Variants in RABGEF1 observed in about 807,000 individuals in gnomAD.
The protein encoded by RABGEF1 is RAB guanine nucleotide exchange factor 1, also known as rab5 GDP/GTP exchange factor.
In RABGEF1, 26 loss-of-function variants were observed where a neutral mutation model predicts 57.3. That is an observed-to-expected ratio of 0.45 (90% CI 0.33 to 0.63). The LOEUF is 0.63. Among genes scored for constraint, RABGEF1 ranks in the 20% least tolerant of loss-of-function variants. The probability of loss-of-function intolerance (pLI) is 0.02; values close to 1 mark genes in which losing one functional copy is unlikely to be tolerated. For missense variants in RABGEF1, 464 were observed against 607.6 expected, an observed-to-expected ratio of 0.76 and a Z score of 2.48; for synonymous variants, 185 against 210.7, an observed-to-expected ratio of 0.88 and a Z score of 1.06.
intron 4 of RABGEF1, among the ~76,000 whole-genome samples, chr7:66,784,689 G>A (rs1042670716): frequency 6.6e-6 from 1 of 152,208 alleles, no homozygotes; most frequent in Non-Finnish European, 1.5e-5. Flanking sequence ...CAGTGGACTT[G>A]TGTCAAAATA....
At chr7:66,760,196 C>T (rs143847636) in intron 1 of RABGEF1, among the ~76,000 whole-genome samples, 87 of 152,250 alleles carry the variant, frequency 5.7e-4, no homozygotes, top group Non-Finnish European at 9.4e-4. Context: ...TCCTTGCCTT[C>T]GACACTCTTA....
intron 1 of RABGEF1, among the ~76,000 whole-genome samples, chr7:66,690,100 C>CTTTTT (rs892888858): frequency 4.8e-5 from 6 of 124,214 alleles, no homozygotes; most frequent in Admixed American, 8.2e-5. Context: ...ATAAAAAATT[C>CTTTTT]TTTTTTTTTT....
At chr7:66,724,256 A>G (rs2707824) in intron 2 of RABGEF1, among the ~76,000 whole-genome samples, 51,768 of 151,644 alleles carry the variant, frequency 0.34, 9,213 homozygotes, top group Middle Eastern at 0.5. Flanking sequence ...ATAATGTGTT[A>G]TTTCCTTCTC....
chr7:66,756,097 TAAG>T (rs1208406610), intron 1 of RABGEF1: 50 of 1,389,162 alleles, frequency 3.6e-5, no homozygotes, highest in Non-Finnish European at 4.6e-5. Context: ...GAAAGATATA[TAAG>T]AAGAATATCT....
the RABGEF1 span, among the ~76,000 whole-genome samples, chr7:66,670,612 A>C: frequency 1.3e-5 from 2 of 152,080 alleles, no homozygotes; most frequent in African/African-American, 4.8e-5. Context: ...TGGGAGGCCA[A>C]GGCGGGTGGA....
chr7:66,762,125 G>A (rs1002058951), intron 1 of RABGEF1, among the ~76,000 whole-genome samples: 3 of 152,068 alleles, frequency 2.0e-5, no homozygotes, highest in South Asian at 2.1e-4. Context: ...ACCAGCCAGG[G>A]ACTGTGGACG....
intron 1 of RABGEF1, among the ~76,000 whole-genome samples, chr7:66,762,908 C>T (rs1804791171): frequency 2.0e-5 from 3 of 152,184 alleles, no homozygotes; most frequent in Non-Finnish European, 4.4e-5. Context: ...CAGCAAGGGC[C>T]ACAGCATTCC....
the RABGEF1 span, among the ~76,000 whole-genome samples, chr7:66,673,704 G>A: frequency 6.6e-6 from 1 of 151,412 alleles, no homozygotes; most frequent in Non-Finnish European, 1.5e-5. Context: ...TACGGGTGAT[G>A]TATCTGATTA....
Position 66,777,096 on chromosome 7 carries a change from A to G in RABGEF1, c.346+1703A>G, listed in dbSNP as rs369842388. On this transcript the variant is annotated intron_variant, in intron 3 of 8. Coordinates refer to ENST00000284957, the MANE Select transcript of RABGEF1 (RefSeq NM_014504.3). ...ATCTCCAGTAAGTGTTAGCTGTTTT[A>G]AAATGCAAGTTATTCTTCTGATAGA... Among the ~76,000 whole-genome samples the G allele has an allele frequency of 8.5e-5, 13 of 152,364 alleles. No individual in the cohort carries two copies. In the East Asian group the frequency reaches 2.5e-3, roughly 29 times the overall value.
chr7:66,780,759 G>C (rs756681575), intron 3 of RABGEF1, among the ~76,000 whole-genome samples: 32 of 152,230 alleles, frequency 2.1e-4, no homozygotes, highest in African/African-American at 6.7e-4. Context: ...GTGACTTCTC[G>C]AAGAATGAAC....
At chr7:66,780,087 T>G (rs576534859) in intron 3 of RABGEF1, among the ~76,000 whole-genome samples, 1 of 152,312 alleles carries the variant, frequency 6.6e-6, no homozygotes, top group South Asian at 2.1e-4. Flanking sequence ...GAAAAGTATG[T>G]GTGGGAGGGA....
intron 1 of RABGEF1, among the ~76,000 whole-genome samples, chr7:66,707,522 T>C (rs910382382): frequency 2.6e-5 from 4 of 152,096 alleles, no homozygotes; most frequent in African/African-American, 9.7e-5. Flanking sequence ...ACCCTGTCTC[T>C]ACTAAAAATG....
chr7:66,660,374 A>C, the RABGEF1 span, among the ~76,000 whole-genome samples: 6 of 151,850 alleles, frequency 4.0e-5, no homozygotes, highest in Admixed American at 1.3e-4. Flanking sequence ...AAGAAAAAAG[A>C]AAATGAGCAC....
chr7:66,735,407 G>T (rs545698115), intron 2 of RABGEF1, among the ~76,000 whole-genome samples: 18 of 152,370 alleles, frequency 1.2e-4, no homozygotes, highest in Non-Finnish European at 2.9e-5. Flanking sequence ...AACTGGCAGA[G>T]ATCCACATAA....
intron 2 of RABGEF1, among the ~76,000 whole-genome samples, chr7:66,720,461 G>A (rs571942480): frequency 3.9e-4 from 59 of 150,768 alleles, no homozygotes; most frequent in African/African-American, 1.3e-3. Flanking sequence ...GCCTCCTAAA[G>A]TGCTAGGATT....
At chr7:66,782,066 T>A (rs913500697) in intron 3 of RABGEF1, among the ~76,000 whole-genome samples, 11 of 152,230 alleles carry the variant, frequency 7.2e-5, no homozygotes, top group African/African-American at 2.7e-4. Flanking sequence ...AGAAGCAGAA[T>A]TATTAGAGAA....
chr7:66,722,036 A>G (rs1473751330), intron 2 of RABGEF1, among the ~76,000 whole-genome samples: 2 of 152,144 alleles, frequency 1.3e-5, no homozygotes, highest in Non-Finnish European at 2.9e-5. Flanking sequence ...GCACATGCCA[A>G]TATACCTGAT....
At chr7:66,749,513 CAG>C (rs1229126133) in intron 1 of RABGEF1, among the ~76,000 whole-genome samples, 1 of 152,110 alleles carries the variant, frequency 6.6e-6, no homozygotes, top group African/African-American at 2.4e-5. Context: ...AAACAAAAAA[CAG>C]AACTTTGCGA....
At position 66,809,218 on chromosome 7, in the gene RABGEF1, T is replaced by C; in HGVS notation, c.1410T>C (p.Ile470=). The C allele has an allele frequency of 6.2e-7, 1 of 1,613,884 alleles. No individual in the cohort carries two copies. The highest frequency in any genetic ancestry group is 8.5e-7 in the Non-Finnish European group (1 of 1,179,824). Residue 470 remains isoleucine, a synonymous_variant, in exon 9 of 9, where the codon ATT becomes ATC. Coordinates refer to ENST00000284957, the MANE Select transcript of RABGEF1 (RefSeq NM_014504.3). ...IKPPNQPLAA[I]DSENVENDKL... Reference sequence around the variant, plus strand: ...CTCCGAATCAACCGTTAGCAGCTATTGACTCTGAAAACGTTGAAAATGATA... The same window carrying C: ...CTCCGAATCAACCGTTAGCAGCTATCGACTCTGAAAACGTTGAAAATGATA...
Sources: allele counts gnomAD v4.1 joint callset (sites outside exome capture counted in the v4.1 genomes callset), GRCh38; gene constraint gnomAD v4.1.1; transcripts MANE v1.5; gene names NCBI Gene and HGNC (gene_info 2026-07-23, HGNC 2026-07-21).